YTHDC2: variants seen among roughly 807,000 people sequenced by gnomAD.
YTHDC2 encodes 3'-5' RNA helicase YTHDC2.
Under a neutral mutation model 174.9 loss-of-function variants are expected in YTHDC2, and 45 were observed. That is an observed-to-expected ratio of 0.26 (90% confidence interval 0.20 to 0.33). YTHDC2 has a LOEUF of 0.33. YTHDC2 is among the 10% of genes least tolerant of loss of function. YTHDC2 has a pLI of 1.00. For missense variants in YTHDC2, 1,650 were observed against 1,723.7 expected, an observed-to-expected ratio of 0.96 and a Z score of 0.76; for synonymous variants, 657 against 574.5, an observed-to-expected ratio of 1.14 and a Z score of -2.05.
intron 12 of YTHDC2, among the ~76,000 whole-genome samples, chr5:113,550,761 A>G (rs1776203801): frequency 6.6e-6 from 1 of 152,154 alleles, no homozygotes; most frequent in African/African-American, 2.4e-5. Flanking sequence ...ACCACTATGT[A>G]TATGTATTGC....
In YTHDC2 at chr5:113,567,818, T is replaced by A; in HGVS notation, c.3213T>A (p.Ser1071Arg). The change falls in exon 23 of 30, where the codon AGT (serine) becomes AGA (arginine). Residue 1071 changes from serine (S) to arginine (R), a missense_variant. Physicochemically the swap from Ser to Arg is moderately radical, Grantham distance 110 (BLOSUM62 -1). This residue lies in a region of YTHDC2 where 913 missense variants were observed against 940.4 expected (regional missense o/e 0.97). Coordinates refer to ENST00000161863, the MANE Select transcript of YTHDC2 (RefSeq NM_022828.5). ...LVFCGPARLA[S>R]NALQEPSSFR... Reference sequence around the variant, plus strand: ...TCTGTGGACCAGCTAGATTGGCAAGTAATGCTCTTCAGGAACCTTCATCCT... The same window carrying A: ...TCTGTGGACCAGCTAGATTGGCAAGAAATGCTCTTCAGGAACCTTCATCCT... The A allele has an allele frequency of 6.3e-7, 1 of 1,584,090 alleles. No homozygotes were observed. The highest frequency in any genetic ancestry group is 8.6e-7 in the Non-Finnish European group (1 of 1,165,296).
intron 8 of YTHDC2, among the ~76,000 whole-genome samples, chr5:113,540,634 A>G (rs564668011): frequency 3.0e-4 from 46 of 152,288 alleles, no homozygotes; most frequent in Middle Eastern, 3.4e-3. Flanking sequence ...AGAACTCACT[A>G]TCATGAGAAC....
chr5:113,536,404 A>G (rs1471610415), intron 7 of YTHDC2, among the ~76,000 whole-genome samples: 3 of 152,226 alleles, frequency 2.0e-5, no homozygotes, highest in African/African-American at 4.8e-5. Context: ...ACGCACTTGC[A>G]GTCCCAGCTA....
At chr5:113,578,566 C>G (rs1193430739) in intron 23 of YTHDC2, among the ~76,000 whole-genome samples, 1 of 152,042 alleles carries the variant, frequency 6.6e-6, no homozygotes, top group Non-Finnish European at 1.5e-5. Flanking sequence ...TATTACATTG[C>G]TGGATATTTT....
In YTHDC2 at chr5:113,532,996, C is replaced by A. The variant is rs6594732; in HGVS notation, c.793C>A (p.Arg265=). The change falls in exon 5 of 30, where the codon CGG becomes AGG. Residue 265 remains arginine, a synonymous_variant. Transcript: ENST00000161863. ...GGCTGAAAGAGTTGCCGCAGAGAGACGGGAAAGGATTGGTCAAACAATTGG... is the reference window on the plus strand; with the variant it reads ...GGCTGAAAGAGTTGCCGCAGAGAGAAGGGAAAGGATTGGTCAAACAATTGG... ...AVAERVAAER[R]ERIGQTIGYQ... The A allele has an allele frequency of 0.23, 375,247 of 1,613,578 alleles. 50,626 individuals carry two copies. The highest frequency in any genetic ancestry group is 0.54 in the African/African-American group (40,757 of 74,884).
intron 23 of YTHDC2, among the ~76,000 whole-genome samples, chr5:113,570,173 T>G (rs2112747328): frequency 2.0e-5 from 3 of 152,282 alleles, no homozygotes; most frequent in Middle Eastern, 3.4e-3. Context: ...CTCAGCTCAC[T>G]GTAACCTCCG....
At chr5:113,588,550 T>TG (rs1369196782) in intron 26 of YTHDC2, among the ~76,000 whole-genome samples, 1 of 151,976 alleles carries the variant, frequency 6.6e-6, no homozygotes. Context: ...TGTGTAGAAT[T>TG]GGTATTATTT....
At chr5:113,581,802 A>T in intron 25 of YTHDC2, 93 bp downstream of exon 25, 1 of 1,140,180 alleles carries the variant, frequency 8.8e-7, no homozygotes, top group African/African-American at 1.6e-5. Context: ...AATATTTAAA[A>T]ATTACTTTTT....
chr5:113,567,748 A>G lies in YTHDC2; in HGVS notation c.3143A>G (p.Asn1048Ser), dbSNP rs1777443852. ...DEMTRAHRIA[N>S]IRCCSAVTPV... Reference sequence around the variant, plus strand: ...ATGACCAGAGCCCATAGAATAGCTAATATTAGATGTTGTTCAGCAGTGACG... The same window carrying G: ...ATGACCAGAGCCCATAGAATAGCTAGTATTAGATGTTGTTCAGCAGTGACG... The change falls in exon 23 of 30, where the codon AAT becomes AGT. Residue 1048 changes from asparagine to serine, a missense_variant. This residue lies in a region of YTHDC2 where 913 missense variants were observed against 940.4 expected (regional missense o/e 0.97). Transcript: ENST00000161863. 1.9e-6 allele frequency: 3 copies of G among 1,611,748 alleles called. No individual in the cohort carries two copies. The highest frequency in any genetic ancestry group is 1.7e-6 in the Non-Finnish European group (2 of 1,178,932).
chr5:113,563,744 GAT>G, intron 19 of YTHDC2, 113 bp from the exon 20 acceptor site: 1 of 1,215,266 alleles, frequency 8.2e-7, no homozygotes, highest in East Asian at 2.5e-5. Context: ...ATTTTTATGA[GAT>G]GTAGTAGCAA....
chr5:113,517,741 C>G, intron 2 of YTHDC2: 1 of 290,924 alleles, frequency 3.4e-6, no homozygotes, highest in Non-Finnish European at 7.0e-6. Flanking sequence ...TCTTAGTGGT[C>G]CTTGTGATTT....
At chr5:113,582,775 TC>T (rs1347174749) in intron 25 of YTHDC2, 1 of 152,136 alleles carries the variant, frequency 6.6e-6, no homozygotes, top group Admixed American at 6.6e-5. Flanking sequence ...AGGCTTAATA[TC>T]ATTTAAGCCT....
At chr5:113,535,850 G>T in intron 7 of YTHDC2, 52 bp downstream of exon 7, 1 of 1,444,746 alleles carries the variant, frequency 6.9e-7, no homozygotes. Context: ...GAACACTTTT[G>T]GACATTATTT....
At chr5:113,523,115 T>G (rs1398620189) in intron 2 of YTHDC2, among the ~76,000 whole-genome samples, 1 of 152,144 alleles carries the variant, frequency 6.6e-6, no homozygotes, top group Non-Finnish European at 1.5e-5. Flanking sequence ...CCACAGTGCC[T>G]GGCATAAAGT....
chr5:113,518,773 A>G (rs1265653775), intron 2 of YTHDC2, among the ~76,000 whole-genome samples: 2 of 152,008 alleles, frequency 1.3e-5, no homozygotes. Flanking sequence ...GATAGCTTTC[A>G]ATTTTTTTCT....
At chr5:113,553,476 C>A in intron 13 of YTHDC2, 114 bp from the exon 14 acceptor site, 1 of 1,417,780 alleles carries the variant, frequency 7.1e-7, no homozygotes, top group South Asian at 1.4e-5. Context: ...AATCTCCTGT[C>A]ATCTTATGAT....
intron 7 of YTHDC2, among the ~76,000 whole-genome samples, chr5:113,536,595 A>G (rs1491004115): frequency 2.6e-5 from 4 of 152,204 alleles, no homozygotes; most frequent in African/African-American, 9.6e-5. Flanking sequence ...ATATATATAG[A>G]AAAAGTTCAC....
At chr5:113,580,186 C>T (rs546701052) in intron 24 of YTHDC2, among the ~76,000 whole-genome samples, 1 of 152,166 alleles carries the variant, frequency 6.6e-6, no homozygotes, top group African/African-American at 2.4e-5. Flanking sequence ...TCAATCACCC[C>T]TCAAAGGCCA....
rs1355823899 is a variant in YTHDC2, at chr5:113,555,568, G to A, written c.2134-484G>A. The stretch of plus-strand genomic sequence containing the variant: ...TTAGTAGCTCAGCAGGAAGTAAAGT[G>A]GAAGTGGTTAAAAATATTTCTCTTT... On this transcript the variant is annotated intron_variant, in intron 16 of 29. Coordinates refer to ENST00000161863, the MANE Select transcript of YTHDC2 (RefSeq NM_022828.5). 2.0e-5 allele frequency among the ~76,000 whole-genome samples: 3 copies of A among 152,272 alleles called. No individual in the cohort carries two copies. The East Asian group carries it at 5.8e-4, about 29-fold the overall frequency.
Sources: allele counts gnomAD v4.1 joint callset (sites outside exome capture counted in the v4.1 genomes callset), GRCh38; gene constraint gnomAD v4.1.1; regional missense constraint gnomAD v4.1.1; transcripts MANE v1.5; gene names NCBI Gene and HGNC (gene_info 2026-07-23, HGNC 2026-07-21).